Variants in DLGAP2 observed in about 807,000 individuals in gnomAD.
DLGAP2 encodes the protein disks large-associated protein 2.
In DLGAP2, 26 loss-of-function variants were observed where a neutral mutation model predicts 100.3. The observed-to-expected ratio is 0.26, with a 90% CI of 0.19 to 0.36. The LOEUF (loss-of-function observed/expected upper bound fraction) is 0.36. Ranked by LOEUF, DLGAP2 falls within the 10% of genes least tolerant of loss-of-function variation. DLGAP2 has a pLI of 1.00. For missense variants in DLGAP2, 1,858 were observed against 1,453.2 expected (o/e 1.28, Z -4.53); for synonymous variants, 886 against 630.1 (o/e 1.41, Z -6.08).
intron 2 of DLGAP2, among the ~76,000 whole-genome samples, chr8:1,256,522 C>T (rs1297442921): frequency 0.013 from 1,500 of 117,608 alleles, 21 homozygotes; most frequent in African/African-American, 0.042. Context: ...TGTGTGTGTG[C>T]CCGTCTCATC....
In DLGAP2 at chr8:1,258,903, C is replaced by A. The variant is rs1315029513; in HGVS notation, c.106+20C>A. On this transcript the variant is annotated intron_variant, in intron 3 of 14. Transcript: ENST00000637795. ...CGGAAGGTGAGTACCTGACATGCTG[C>A]CTGGGGTGGGCGGGGGCCGCGCGGC... 8.1e-7 allele frequency: 1 copy of A among 1,231,666 alleles called. No homozygotes were observed. Among genetic ancestry groups the A allele is most frequent in the Non-Finnish European group, 1.0e-6 (1 of 988,016 alleles). The allele number at this position is 1,231,666 out of a possible 1,614,324, so 76.3% of individuals were successfully genotyped here. A position where few individuals can be genotyped will look rare whatever the true frequency, so the allele number is the denominator to read the frequency against.
At chr8:1,595,240 C>A (rs1345917272) in intron 6 of DLGAP2, among the ~76,000 whole-genome samples, 1 of 152,020 alleles carries the variant, frequency 6.6e-6, no homozygotes, top group African/African-American at 2.4e-5. Context: ...AGGGTTTTGC[C>A]ATGTTTCCCA....
intron 1 of DLGAP2, among the ~76,000 whole-genome samples, chr8:888,211 T>C (rs1050216750): frequency 3.3e-5 from 5 of 152,244 alleles, no homozygotes; most frequent in African/African-American, 1.2e-4. Context: ...CATGAAGTTC[T>C]CGTGCTGTGT....
chr8:1,538,832 T>G (rs1369908005), intron 4 of DLGAP2, among the ~76,000 whole-genome samples: 2 of 150,478 alleles, frequency 1.3e-5, no homozygotes, highest in Non-Finnish European at 2.9e-5. Context: ...CACAGCACCC[T>G]CAGATCCCCA....
chr8:1,358,908 G>A (rs983067977), intron 3 of DLGAP2, among the ~76,000 whole-genome samples: 6 of 150,746 alleles, frequency 4.0e-5, no homozygotes, highest in South Asian at 4.2e-4. Flanking sequence ...GGGAATTCTC[G>A]GTGCAGAGGC....
intron 1 of DLGAP2, among the ~76,000 whole-genome samples, chr8:904,536 C>G (rs367890108): frequency 9.9e-5 from 15 of 152,182 alleles, no homozygotes; most frequent in African/African-American, 3.4e-4. Flanking sequence ...TACATGGCTG[C>G]ATGTGACGGC....
At chr8:965,821 G>A (rs1799855942) in intron 2 of DLGAP2, among the ~76,000 whole-genome samples, 1 of 148,596 alleles carries the variant, frequency 6.7e-6, no homozygotes, top group South Asian at 2.2e-4. Flanking sequence ...CCCCTGCGCT[G>A]TACACGGCAC....
At chr8:1,237,365 G>A (rs1798684396) in intron 2 of DLGAP2, among the ~76,000 whole-genome samples, 1 of 85,904 alleles carries the variant, frequency 1.2e-5, no homozygotes. Flanking sequence ...CTCTCACATG[G>A]CGCCGTGTCT....
At chr8:1,182,575 C>T (rs1313215929) in intron 2 of DLGAP2, among the ~76,000 whole-genome samples, 2 of 152,210 alleles carry the variant, frequency 1.3e-5, no homozygotes, top group Non-Finnish European at 2.9e-5. Flanking sequence ...AGAGTTGGCA[C>T]TTGTGGCCCT....
At chr8:943,320 G>A (rs533162585) in intron 2 of DLGAP2, among the ~76,000 whole-genome samples, 2 of 152,188 alleles carry the variant, frequency 1.3e-5, no homozygotes, top group African/African-American at 2.4e-5. Context: ...ATCATACGGC[G>A]AGATTTTACA....
intron 1 of DLGAP2, among the ~76,000 whole-genome samples, chr8:835,556 G>A (rs977376684): frequency 6.6e-6 from 1 of 151,114 alleles, no homozygotes; most frequent in Non-Finnish European, 1.5e-5. Context: ...GGTCCCCCGT[G>A]CTCCTGTGTC....
chr8:1,536,169 G>T (rs13256326), intron 4 of DLGAP2, among the ~76,000 whole-genome samples: 35,766 of 152,084 alleles, frequency 0.24, 4,465 homozygotes, highest in Middle Eastern at 0.33. Context: ...TGGAGTGGAA[G>T]AGACAGAAGC....
chr8:783,632 C>G (rs2132627405), intron 1 of DLGAP2, among the ~76,000 whole-genome samples: 1 of 152,250 alleles, frequency 6.6e-6, no homozygotes, highest in East Asian at 1.9e-4. Context: ...TTACGGGTGC[C>G]TTTCCCTACA....
At chr8:1,197,206 T>C (rs962601309) in intron 2 of DLGAP2, among the ~76,000 whole-genome samples, 5 of 152,146 alleles carry the variant, frequency 3.3e-5, no homozygotes, top group African/African-American at 1.2e-4. Context: ...TGTTCCCACA[T>C]TGCAGAGTCC....
At position 1,708,052 on chromosome 8, in the gene DLGAP2, G is replaced by T. The variant is rs1469761113; in HGVS notation, c.*6646G>T. 1 of 152,396 alleles carries T rather than the reference G, an allele frequency of 6.6e-6. No homozygotes were observed. Among genetic ancestry groups the T allele is most frequent in the Non-Finnish European group, 1.5e-5 (1 of 68,010 alleles). 9.4% of individuals were successfully genotyped at this position (152,396 alleles called of 1,614,324 possible). A position where few individuals can be genotyped will look rare whatever the true frequency, so the allele number is the denominator to read the frequency against. On this transcript the variant is annotated 3_prime_UTR_variant, in exon 15 of 15. Transcript: ENST00000637795. ...TGGTCATTCCTTTAAGGCAGTTAAG[G>T]ATTGCTTTATTTGTGTTCTTTTTTC...
intron 14 of DLGAP2, among the ~76,000 whole-genome samples, chr8:1,700,018 T>TC (rs1233829205): frequency 3.9e-5 from 6 of 152,006 alleles, no homozygotes; most frequent in East Asian, 1.9e-4. Context: ...AATGAACTGA[T>TC]CCCCCCCATT....
intron 4 of DLGAP2, among the ~76,000 whole-genome samples, chr8:1,532,541 A>G (rs959410276): frequency 1.3e-5 from 2 of 152,190 alleles, no homozygotes; most frequent in African/African-American, 4.8e-5. Context: ...GGCTCTTAAG[A>G]TTTGGGTCAA....
intron 3 of DLGAP2, among the ~76,000 whole-genome samples, chr8:1,495,764 C>T (rs903895939): frequency 1.3e-5 from 2 of 152,216 alleles, no homozygotes; most frequent in African/African-American, 4.8e-5. Context: ...GTGCCCGGGG[C>T]CTTCCCCCGT....
At chr8:1,101,812 CACGACG>C (rs1226708306) in intron 2 of DLGAP2, among the ~76,000 whole-genome samples, 1 of 31,656 alleles carries the variant, frequency 3.2e-5, no homozygotes, top group African/African-American at 1.3e-4. Context: ...CCGAACACGA[CACGACG>C]ATGGGAAGCT....
Sources: allele counts gnomAD v4.1 joint callset (sites outside exome capture counted in the v4.1 genomes callset), GRCh38; gene constraint gnomAD v4.1.1; transcripts MANE v1.5; gene names NCBI Gene and HGNC (gene_info 2026-07-23, HGNC 2026-07-21).